The following ITGAE variants were observed in gnomAD, a reference collection of about 807,000 sequenced individuals.
ITGAE encodes the protein integrin alpha-E.
Under a neutral mutation model 136.5 loss-of-function variants are expected in ITGAE, and 99 were observed. The observed-to-expected ratio is 0.73, with a 90% CI of 0.62 to 0.86. ITGAE has a LOEUF of 0.86. Ranked by LOEUF, ITGAE falls within the 40% of genes least tolerant of loss-of-function variation. The pLI is 0.00. For synonymous variants in ITGAE, 613 were observed against 591.8 expected, an observed-to-expected ratio of 1.04 and a Z score of -0.52; for missense variants, 1,447 against 1,515.3, an observed-to-expected ratio of 0.95 and a Z score of 0.75.
At chr17:3,763,344 C>A (rs992270130) in intron 3 of ITGAE, among the ~76,000 whole-genome samples, 6 of 106,866 alleles carry the variant, frequency 5.6e-5, no homozygotes, top group Admixed American at 2.6e-4. Context: ...ATTCAAATGG[C>A]ATTTATTGAG....
intron 1 of ITGAE, among the ~76,000 whole-genome samples, chr17:3,780,910 C>T (rs528850600): frequency 3.3e-5 from 5 of 151,954 alleles, no homozygotes; most frequent in African/African-American, 9.7e-5. Flanking sequence ...CACTATGTTG[C>T]CCAGGCTGGT....
chr17:3,797,386 C>T (rs534747413), intron 1 of ITGAE, among the ~76,000 whole-genome samples: 37 of 150,290 alleles, frequency 2.5e-4, no homozygotes, highest in Non-Finnish European at 8.9e-5. Context: ...AGGATGGTCT[C>T]GATCTCCTGA....
intron 19 of ITGAE, among the ~76,000 whole-genome samples, chr17:3,742,307 A>C (rs2051606448): frequency 6.6e-6 from 1 of 152,204 alleles, no homozygotes; most frequent in South Asian, 2.1e-4. Context: ...TTTTGCTATA[A>C]AGGACATTAA....
intron 28 of ITGAE, among the ~76,000 whole-genome samples, chr17:3,721,066 C>G (rs2051039424): frequency 6.6e-6 from 1 of 151,076 alleles, no homozygotes; most frequent in South Asian, 2.1e-4. Context: ...GTAGCTGAGA[C>G]CACAGGTGCA....
chr17:3,737,292 CAAAAG>C (rs551460087), intron 20 of ITGAE, among the ~76,000 whole-genome samples: 2,023 of 150,670 alleles, frequency 0.013, 24 homozygotes, highest in Middle Eastern at 0.031. Context: ...GACCCTGTCT[CAAAAG>C]AAGAAGAAGA....
chr17:3,737,661 T>A (rs1015877622), intron 20 of ITGAE, among the ~76,000 whole-genome samples: 2 of 152,160 alleles, frequency 1.3e-5, no homozygotes, highest in Non-Finnish European at 2.9e-5. Flanking sequence ...CAGCGTTGCC[T>A]AATCTGAGGC....
chr17:3,745,851 G>T lies in ITGAE; in HGVS notation c.2232C>A (p.Asp744Glu), dbSNP rs200223270. Reference sequence around the variant, plus strand: ...TCAGGCAGCCCAGACAGCTTCTTACGTCTGAACACTGCAGCCGTCTCCTCT... The same window carrying T: ...TCAGGCAGCCCAGACAGCTTCTTACTTCTGAACACTGCAGCCGTCTCCTCT... Reference protein sequence around the residue: ...GKQRRRLQCSDVRSCLGCLRE... With the variant: ...GKQRRRLQCSEVRSCLGCLRE... The change falls in exon 18 of 31, where the codon GAC becomes GAA. Residue 744 changes from aspartate (D) to glutamate (E), a missense_variant. By Grantham distance (45) the Asp-to-Glu change is conservative. Transcript: ENST00000263087. The T allele has an allele frequency of 3.7e-6, 6 of 1,613,936 alleles. No homozygotes were observed. In the African/African-American group the frequency reaches 6.7e-5, roughly 18 times the overall value.
At chr17:3,779,954 T>C (rs972972028) in intron 1 of ITGAE, among the ~76,000 whole-genome samples, 1 of 152,048 alleles carries the variant, frequency 6.6e-6, no homozygotes, top group African/African-American at 2.4e-5. Context: ...TTTAAGAGTA[T>C]ATCATCATCT....
At chr17:3,728,916 G>A (rs546160398) in intron 24 of ITGAE, among the ~76,000 whole-genome samples, 9 of 151,910 alleles carry the variant, frequency 5.9e-5, no homozygotes, top group African/African-American at 2.2e-4. Context: ...TCCACCTGTA[G>A]TCTCAACTAC....
intron 26 of ITGAE, chr17:3,725,542 T>C: frequency 1.2e-6 from 2 of 1,614,210 alleles, no homozygotes; most frequent in Non-Finnish European, 1.7e-6. Flanking sequence ...CTGCCAGAGA[T>C]CATCATCTCC....
chr17:3,724,706 T>A lies in ITGAE; in HGVS notation c.3085-962A>T, dbSNP rs2051164435. 2.5e-6 allele frequency: 4 copies of A among 1,614,226 alleles called. No individual in the cohort carries two copies. The East Asian group carries it at 8.9e-5, about 36-fold the overall frequency. The stretch of plus-strand genomic sequence containing the variant: ...TGAACTCAGGAACCCCTGAGGATTC[T>A]GAGTTTCGGGCAGATGGGAAGAATA... On this transcript the variant is annotated intron_variant, in intron 26 of 30. Transcript: ENST00000263087.
intron 19 of ITGAE, among the ~76,000 whole-genome samples, chr17:3,741,231 C>G (rs1416875018): frequency 7.0e-6 from 1 of 143,280 alleles, no homozygotes; most frequent in Admixed American, 7.1e-5. Context: ...CTGCCCGCCA[C>G]CACGCCCAGC....
chr17:3,731,653 G>T (rs2976235), intron 22 of ITGAE, among the ~76,000 whole-genome samples: 116,185 of 151,806 alleles, frequency 0.77, 45,719 homozygotes, highest in African/African-American at 0.94. Flanking sequence ...CGTTATTTCA[G>T]TTAAGCCTCA....
chr17:3,723,074 C>A (rs2051091092), intron 28 of ITGAE, among the ~76,000 whole-genome samples: 1 of 152,192 alleles, frequency 6.6e-6, no homozygotes. Context: ...AAAGAGGAGT[C>A]ACAGGTAATC....
intron 28 of ITGAE, chr17:3,722,362 T>A (rs910422089): frequency 3.4e-5 from 5 of 149,126 alleles, no homozygotes; most frequent in African/African-American, 1.2e-4. Context: ...GCGCCTGTAA[T>A]CCCAGCTACT....
At chr17:3,784,166 A>G (rs949105519) in intron 1 of ITGAE, among the ~76,000 whole-genome samples, 3 of 152,032 alleles carry the variant, frequency 2.0e-5, no homozygotes, top group African/African-American at 7.2e-5. Context: ...AGGTTGAGGC[A>G]GGAGAATGGC....
intron 10 of ITGAE, among the ~76,000 whole-genome samples, chr17:3,756,400 ATT>A (rs34579296): frequency 6.5e-4 from 77 of 119,344 alleles, no homozygotes; most frequent in Admixed American, 8.4e-4. Context: ...CGCCTGGCTA[ATT>A]TTTTTTTTTT....
chr17:3,784,351 T>C (rs916246111), intron 1 of ITGAE: 6 of 338,670 alleles, frequency 1.8e-5, no homozygotes, highest in Non-Finnish European at 3.4e-5. Flanking sequence ...ATTAGCAAAG[T>C]TGACCTGACA....
intron 1 of ITGAE, among the ~76,000 whole-genome samples, chr17:3,793,940 G>A (rs185171583): frequency 6.8e-6 from 1 of 147,208 alleles, no homozygotes; most frequent in African/African-American, 2.5e-5. Context: ...GAAGTGCTCT[G>A]TCCTCAGCCT....
Sources: allele counts gnomAD v4.1 joint callset (sites outside exome capture counted in the v4.1 genomes callset), GRCh38; gene constraint gnomAD v4.1.1; transcripts MANE v1.5; gene names NCBI Gene and HGNC (gene_info 2026-07-23, HGNC 2026-07-21).